The following CELF4 variants were observed in gnomAD, a reference collection of about 807,000 sequenced individuals.
CELF4 encodes the protein CUG-BP- and ETR-3-like factor 4.
In CELF4, 18 loss-of-function variants were observed where a neutral mutation model predicts 59.9. That is an observed-to-expected ratio of 0.30 (90% CI 0.21 to 0.45). The LOEUF (loss-of-function observed/expected upper bound fraction) is 0.45. Ranked by LOEUF, CELF4 falls within the 20% of genes least tolerant of loss-of-function variation. CELF4 has a pLI of 1.00. For missense variants in CELF4, 456 were observed against 689.0 expected (o/e 0.66, Z 3.79); for synonymous variants, 261 against 267.1 (o/e 0.98, Z 0.22).
intron 1 of CELF4, among the ~76,000 whole-genome samples, chr18:37,546,004 C>A (rs2099981305): frequency 6.6e-6 from 1 of 152,156 alleles, no homozygotes; most frequent in South Asian, 2.1e-4. Flanking sequence ...GGAGCCCTTT[C>A]TCCCCACATA....
At chr18:37,398,033 A>G (rs2099267526) in intron 2 of CELF4, among the ~76,000 whole-genome samples, 1 of 152,090 alleles carries the variant, frequency 6.6e-6, no homozygotes, top group African/African-American at 2.4e-5. Flanking sequence ...GTCAGTGGCA[A>G]CAGCTGTGGC....
intron 3 of CELF4, among the ~76,000 whole-genome samples, chr18:37,282,113 A>G (rs2094215355): frequency 6.6e-6 from 1 of 152,208 alleles, no homozygotes; most frequent in South Asian, 2.1e-4. Context: ...CGTGCGTGGC[A>G]CAGAGAAAAG....
intron 1 of CELF4, among the ~76,000 whole-genome samples, chr18:37,554,321 C>G (rs1005277550): frequency 2.6e-5 from 4 of 152,146 alleles, no homozygotes; most frequent in Admixed American, 6.5e-5. Context: ...TGGGTGGGAC[C>G]CTGACTGTGC....
chr18:37,247,930 T>C (rs953814733), intron 12 of CELF4, among the ~76,000 whole-genome samples: 1 of 152,238 alleles, frequency 6.6e-6, no homozygotes. Flanking sequence ...TTTCTGTGAC[T>C]ACAGCCTGTG....
rs145104348 is a variant in CELF4, at chr18:37,337,675, C to T, written c.370-15794G>A. 1.7e-4 allele frequency among the ~76,000 whole-genome samples: 26 copies of T among 152,324 alleles called. No individual in the cohort carries two copies. The East Asian group carries it at 4.1e-3, about 24-fold the overall frequency. ...CTCGGAAGTCATGTTCCCATCACCC[C>T]GGCCCCTTTATCTTCAGCACAAATG... On this transcript the variant is annotated intron_variant, in intron 2 of 12. Coordinates refer to ENST00000420428, the MANE Select transcript of CELF4 (RefSeq NM_020180.4).
intron 2 of CELF4, among the ~76,000 whole-genome samples, chr18:37,401,086 A>G (rs2099320956): frequency 6.6e-6 from 1 of 152,194 alleles, no homozygotes; most frequent in African/African-American, 2.4e-5. Flanking sequence ...TGGTTCCCAG[A>G]GAGCTGTGAG....
Position 37,254,630 on chromosome 18 carries a change from G to T in CELF4, c.1334-692C>A, listed in dbSNP as rs1040495457. On this transcript the variant is annotated intron_variant, in intron 11 of 12. Transcript: ENST00000420428. The surrounding 1 kb of genome is among the most constrained non-coding windows in gnomAD (Gnocchi z 5.1). Reference sequence around the variant, plus strand: ...ACCTCTCTTCTCCACGCCCTGCGCCGTGGACTAAGCACGCACCAGCTGATA... The same window carrying T: ...ACCTCTCTTCTCCACGCCCTGCGCCTTGGACTAAGCACGCACCAGCTGATA... Among the ~76,000 whole-genome samples the T allele has an allele frequency of 3.3e-5, 5 of 152,224 alleles. No individual in the cohort carries two copies. Among genetic ancestry groups the T allele is most frequent in the Admixed American group, 1.3e-4 (2 of 15,280 alleles).
At chr18:37,492,417 A>G (rs930184377) in intron 1 of CELF4, among the ~76,000 whole-genome samples, 1 of 152,114 alleles carries the variant, frequency 6.6e-6, no homozygotes, top group Non-Finnish European at 1.5e-5. Flanking sequence ...GAGAAGTTAT[A>G]GTAGCATCTC....
chr18:37,444,644 A>ACAC (rs1353766899), intron 2 of CELF4, among the ~76,000 whole-genome samples: 1 of 149,742 alleles, frequency 6.7e-6, no homozygotes, highest in East Asian at 2.0e-4. Flanking sequence ...ACACACACAC[A>ACAC]CACACACACG....
At chr18:37,512,290 C>A (rs2099945324) in intron 1 of CELF4, among the ~76,000 whole-genome samples, 1 of 152,218 alleles carries the variant, frequency 6.6e-6, no homozygotes, top group Non-Finnish European at 1.5e-5. Flanking sequence ...CGTGATGGGG[C>A]CGTGTCGGCC....
chr18:37,520,030 T>A (rs973490517), intron 1 of CELF4, among the ~76,000 whole-genome samples: 1 of 152,090 alleles, frequency 6.6e-6, no homozygotes, highest in African/African-American at 2.4e-5. Context: ...ACCCTCTCCT[T>A]GGGGGAGACT....
At chr18:37,555,161 T>A (rs909495640) in intron 1 of CELF4, among the ~76,000 whole-genome samples, 1 of 152,204 alleles carries the variant, frequency 6.6e-6, no homozygotes, top group Non-Finnish European at 1.5e-5. Flanking sequence ...TTCAGGCTCA[T>A]GCCACCCCTT....
chr18:37,260,441 G>A (rs1424788659), intron 10 of CELF4, among the ~76,000 whole-genome samples: 2 of 152,234 alleles, frequency 1.3e-5, no homozygotes, highest in African/African-American at 4.8e-5. Context: ...TGTCCAAGCT[G>A]TGGTGGGAAT....
intron 2 of CELF4, among the ~76,000 whole-genome samples, chr18:37,383,366 T>G (rs2099064158): frequency 6.6e-6 from 1 of 152,176 alleles, no homozygotes; most frequent in South Asian, 2.1e-4. Context: ...CCACCCTGCA[T>G]GGAGACAAAC....
intron 6 of CELF4, chr18:37,273,406 G>A (rs2092240217): frequency 8.0e-7 from 1 of 1,257,530 alleles, no homozygotes; most frequent in South Asian, 2.5e-5. Context: ...CTCCAAAGTT[G>A]TTGCTAGGGG....
At chr18:37,398,956 T>A (rs2099280883) in intron 2 of CELF4, among the ~76,000 whole-genome samples, 1 of 152,172 alleles carries the variant, frequency 6.6e-6, no homozygotes, top group Admixed American at 6.5e-5. Context: ...GACTGCTTTG[T>A]CCTGCCAATT....
At chr18:37,548,425 C>T (rs1043942245) in intron 1 of CELF4, among the ~76,000 whole-genome samples, 1 of 152,124 alleles carries the variant, frequency 6.6e-6, no homozygotes, top group African/African-American at 2.4e-5. Context: ...ACATCTCTAT[C>T]GAAGCTTTGT....
intron 2 of CELF4, among the ~76,000 whole-genome samples, chr18:37,462,773 C>G (rs1284208579): frequency 1.3e-5 from 2 of 151,228 alleles, no homozygotes; most frequent in African/African-American, 2.4e-5. Flanking sequence ...AATTTGCAAA[C>G]TTTCTTAAAA....
intron 1 of CELF4, among the ~76,000 whole-genome samples, chr18:37,522,859 A>T (rs1159202846): frequency 1.3e-5 from 2 of 152,010 alleles, no homozygotes; most frequent in Non-Finnish European, 2.9e-5. Flanking sequence ...TGGGCATTGC[A>T]TTGTCTCCTT....
Sources: allele counts gnomAD v4.1 joint callset (sites outside exome capture counted in the v4.1 genomes callset), GRCh38; gene constraint gnomAD v4.1.1; non-coding constraint Gnocchi (gnomAD v3.1); transcripts MANE v1.5; gene names NCBI Gene and HGNC (gene_info 2026-07-23, HGNC 2026-07-21).